KCTD2: variants seen among roughly 807,000 people sequenced by gnomAD.
The protein encoded by KCTD2 is BTB/POZ domain-containing protein KCTD2.
In KCTD2, 18 loss-of-function variants were observed where a neutral mutation model predicts 27.9. The observed-to-expected ratio is 0.64, with a 90% CI of 0.45 to 0.96. The LOEUF (loss-of-function observed/expected upper bound fraction) is 0.96. Among genes scored for constraint, KCTD2 ranks in the 40% least tolerant of loss-of-function variants. The pLI, the probability that KCTD2 is intolerant of heterozygous loss-of-function variation, is 0.00. For missense variants in KCTD2, 280 were observed against 348.0 expected (o/e 0.80, Z 1.56); for synonymous variants, 175 against 148.4 (o/e 1.18, Z -1.30).
intron 3 of KCTD2, chr17:75,041,918 A>C: frequency 3.0e-6 from 1 of 337,754 alleles, no homozygotes; most frequent in Non-Finnish European, 5.4e-6. Flanking sequence ...CCCAGGTCAG[A>C]AACAGAGCAG....
chr17:75,043,788 AAGC>A (rs1460194719), upstream of KCTD2, among the ~76,000 whole-genome samples: 1 of 152,192 alleles, frequency 6.6e-6, no homozygotes, highest in Non-Finnish European at 1.5e-5. Flanking sequence ...AAGTTTCAAC[AAGC>A]CTTAAATAGA....
chr17:75,060,609 C>G, intron 4 of KCTD2: 1 of 1,602,522 alleles, frequency 6.2e-7, no homozygotes, highest in Non-Finnish European at 8.5e-7. Context: ...CCCGCTCTGG[C>G]TCGCCAGGTT....
At chr17:75,036,512 C>T (rs1325946334) in intron 3 of KCTD2, among the ~76,000 whole-genome samples, 1 of 152,230 alleles carries the variant, frequency 6.6e-6, no homozygotes, top group Non-Finnish European at 1.5e-5. Context: ...ACCCCCTTCC[C>T]ACCCACGTGC....
At position 75,063,141 on chromosome 17, in the gene KCTD2, T is replaced by A; in HGVS notation, c.*94T>A. 8.4e-7 allele frequency: 1 copy of A among 1,193,910 alleles called. No individual in the cohort carries two copies. The highest frequency in any genetic ancestry group is 2.4e-5 in the East Asian group (1 of 41,782). 74.0% of individuals were successfully genotyped at this position (1,193,910 alleles called of 1,614,324 possible). A position where few individuals can be genotyped will look rare whatever the true frequency, so the allele number is the denominator to read the frequency against. On this transcript the variant is annotated 3_prime_UTR_variant, in exon 6 of 6. Transcript: ENST00000322444. Reference sequence around the variant, plus strand: ...CACTCCTGTCCAGTGACCGAGCCACTGCAAAGCACAGCTGATCCTGGCCCC... The same window carrying A: ...CACTCCTGTCCAGTGACCGAGCCACAGCAAAGCACAGCTGATCCTGGCCCC...
chr17:75,034,083 G>A (rs905671639), exon 2 of KCTD2: 1 of 152,214 alleles, frequency 6.6e-6, no homozygotes, highest in Non-Finnish European at 1.5e-5. Flanking sequence ...GCAACGTGTT[G>A]AGGAGGAGCC....
intron 1 of KCTD2, among the ~76,000 whole-genome samples, chr17:75,048,108 G>A (rs2073247156): frequency 3.3e-5 from 5 of 152,132 alleles, no homozygotes; most frequent in African/African-American, 1.2e-4. Flanking sequence ...AGTCCTGGTC[G>A]CAGAACTTTT....
intron 4 of KCTD2, chr17:75,060,601 C>T (rs1015872404): frequency 1.7e-5 from 28 of 1,604,210 alleles, no homozygotes; most frequent in Non-Finnish European, 2.3e-5. Flanking sequence ...CCGGCCTCCC[C>T]GCTCTGGCTC....
chr17:75,053,430 C>T (rs1340190776), intron 3 of KCTD2, among the ~76,000 whole-genome samples: 2 of 151,574 alleles, frequency 1.3e-5, no homozygotes, highest in Non-Finnish European at 2.9e-5. Context: ...GTCTTGGTTG[C>T]ACCCGTTGGC....
intron 1 of KCTD2, among the ~76,000 whole-genome samples, chr17:75,048,443 G>A (rs956891659): frequency 1.3e-5 from 2 of 152,180 alleles, no homozygotes; most frequent in African/African-American, 2.4e-5. Context: ...CAGAGCTGGA[G>A]TTGCGTAAAC....
chr17:75,062,952 A>G (rs2073419543), intron 5 of KCTD2, 66 bp from the exon 6 acceptor site: 3 of 1,560,838 alleles, frequency 1.9e-6, no homozygotes, highest in African/African-American at 2.7e-5. Context: ...TCCAGTGGAA[A>G]GCATCCCCCG....
chr17:75,045,101 C>T (rs1320917938), upstream of KCTD2, among the ~76,000 whole-genome samples: 3 of 152,244 alleles, frequency 2.0e-5, no homozygotes, highest in East Asian at 3.9e-4. Context: ...TAAAGCTGGG[C>T]GTCCGGGGGA....
At chr17:75,060,598 C>T (rs977586956) in intron 4 of KCTD2, 9 of 1,607,058 alleles carry the variant, frequency 5.6e-6, no homozygotes, top group Admixed American at 1.7e-5. Context: ...GCGCCGGCCT[C>T]CCCGCTCTGG....
intron 4 of KCTD2, among the ~76,000 whole-genome samples, chr17:75,061,824 G>T (rs1191494416): frequency 1.3e-5 from 2 of 152,096 alleles, no homozygotes; most frequent in Non-Finnish European, 2.9e-5. Flanking sequence ...TTCCCTTGCT[G>T]TGCTCGACGG....
intron 3 of KCTD2, among the ~76,000 whole-genome samples, chr17:75,058,411 G>A (rs1356534204): frequency 6.6e-6 from 1 of 152,196 alleles, no homozygotes; most frequent in Non-Finnish European, 1.5e-5. Flanking sequence ...GGCTGAGGCA[G>A]GAGAATCGCT....
At chr17:75,060,942 C>G (rs1267230991) in intron 4 of KCTD2, among the ~76,000 whole-genome samples, 1 of 152,238 alleles carries the variant, frequency 6.6e-6, no homozygotes, top group Non-Finnish European at 1.5e-5. Context: ...GGAATCCACT[C>G]TGCCTGTGTC....
chr17:75,035,099 T>G (rs552728914), intron 2 of KCTD2: 16 of 152,198 alleles, frequency 1.1e-4, no homozygotes, highest in East Asian at 3.9e-4. Context: ...CTCTAGGAGG[T>G]AGCTGCAGCC....
intron 3 of KCTD2, among the ~76,000 whole-genome samples, chr17:75,036,313 G>A (rs573231503): frequency 1.3e-5 from 2 of 151,068 alleles, no homozygotes; most frequent in Non-Finnish European, 2.9e-5. Context: ...AGTATAGACG[G>A]GGTTTCACCG....
intron 1 of KCTD2, chr17:75,033,145 T>TTTTCTTTTC (rs376423661): frequency 3.9e-5 from 6 of 152,200 alleles, no homozygotes; most frequent in Admixed American, 1.3e-4. Context: ...TTTTTCTTTT[T>TTTTCTTTTC]TTCAAATGAG....
At chr17:75,036,459 G>T (rs1162587939) in intron 3 of KCTD2, among the ~76,000 whole-genome samples, 1 of 152,152 alleles carries the variant, frequency 6.6e-6, no homozygotes, top group Non-Finnish European at 1.5e-5. Flanking sequence ...CATGTACAAC[G>T]CAAAAATGCT....
Sources: allele counts gnomAD v4.1 joint callset (sites outside exome capture counted in the v4.1 genomes callset), GRCh38; gene constraint gnomAD v4.1.1; transcripts MANE v1.5; gene names NCBI Gene and HGNC (gene_info 2026-07-23, HGNC 2026-07-21).